Variants in FBXW8 observed in about 807,000 individuals in gnomAD.
FBXW8 encodes F-box and WD repeat domain containing 8.
Under a neutral mutation model 65.3 loss-of-function variants are expected in FBXW8, and 57 were observed. The observed-to-expected ratio is 0.87, with a 90% CI of 0.71 to 1.09. The LOEUF is 1.09. Ranked by LOEUF, FBXW8 falls within the 50% of genes least tolerant of loss-of-function variation. The pLI is 0.00. For synonymous variants in FBXW8, 308 were observed against 330.2 expected, an observed-to-expected ratio of 0.93 and a Z score of 0.73; for missense variants, 777 against 814.8, an observed-to-expected ratio of 0.95 and a Z score of 0.57.
At chr12:116,943,385 G>A (rs551254118) in intron 2 of FBXW8, among the ~76,000 whole-genome samples, 63 of 152,258 alleles carry the variant, frequency 4.1e-4, no homozygotes, top group African/African-American at 1.4e-3. Flanking sequence ...TTTTGTTGTT[G>A]CTGCTGTTTG....
intron 3 of FBXW8, among the ~76,000 whole-genome samples, chr12:116,947,750 A>AG (rs1555219000): frequency 5.1e-5 from 7 of 137,660 alleles, no homozygotes; most frequent in African/African-American, 7.8e-5. Flanking sequence ...AAAAAAAAAA[A>AG]AAAAGAAAAG....
chr12:117,024,548 A>G (rs1368678768), intron 9 of FBXW8, among the ~76,000 whole-genome samples: 2 of 152,260 alleles, frequency 1.3e-5, no homozygotes, highest in Non-Finnish European at 2.9e-5. Context: ...TGTCTCTGAC[A>G]TCATTCAGAT....
chr12:116,930,030 T>C (rs1379975921), intron 2 of FBXW8, among the ~76,000 whole-genome samples: 7 of 152,210 alleles, frequency 4.6e-5, no homozygotes, highest in South Asian at 2.1e-4. Flanking sequence ...TCTTTTTTTT[T>C]CTAAAGGCTG....
At chr12:116,965,767 A>C (rs767265136) in intron 5 of FBXW8, among the ~76,000 whole-genome samples, 8 of 151,978 alleles carry the variant, frequency 5.3e-5, no homozygotes, top group Non-Finnish European at 1.0e-4. Context: ...ATACATACCT[A>C]TATATATTTG....
Position 117,010,843 on chromosome 12 carries a change from C to T in FBXW8, c.1367+393C>T, listed in dbSNP as rs560767345. Among the ~76,000 whole-genome samples the T allele has an allele frequency of 1.2e-4, 19 of 152,340 alleles. No homozygotes were observed. In the East Asian group the frequency reaches 3.7e-3, roughly 29 times the overall value. On this transcript the variant is annotated intron_variant, in intron 8 of 10. Transcript: ENST00000652555. The stretch of plus-strand genomic sequence containing the variant: ...ATGTTCAGCAAAATAGGGTTTCCTG[C>T]CAAACGATGTCAAGAGTGTATTTCA...
At chr12:116,918,640 G>A (rs1880627795) in intron 1 of FBXW8, among the ~76,000 whole-genome samples, 2 of 152,170 alleles carry the variant, frequency 1.3e-5, no homozygotes, top group South Asian at 4.1e-4. Flanking sequence ...TCCCATTGCT[G>A]CAAACTGGGT....
chr12:117,006,964 G>C (rs1330230091), intron 7 of FBXW8, among the ~76,000 whole-genome samples: 1 of 152,208 alleles, frequency 6.6e-6, no homozygotes, highest in Non-Finnish European at 1.5e-5. Flanking sequence ...AAAAGGAGTT[G>C]TGAAATAATC....
chr12:116,999,904 C>T (rs1953470654), intron 7 of FBXW8, among the ~76,000 whole-genome samples: 1 of 152,214 alleles, frequency 6.6e-6, no homozygotes, highest in Non-Finnish European at 1.5e-5. Flanking sequence ...ACAGAAGCAG[C>T]CTTACAAACT....
At chr12:116,945,622 C>T in intron 3 of FBXW8, 94 bp downstream of exon 3, 1 of 1,291,328 alleles carries the variant, frequency 7.7e-7, no homozygotes, top group East Asian at 2.4e-5. Context: ...TAATTGCCAA[C>T]AGCGAAGGGA....
At chr12:116,983,375 C>T (rs11609917) in intron 5 of FBXW8, among the ~76,000 whole-genome samples, 16,695 of 152,178 alleles carry the variant, frequency 0.11, 1,119 homozygotes, top group Middle Eastern at 0.22. Context: ...CCGCTTATCC[C>T]CCAAGTTTAT....
At chr12:117,005,685 A>G (rs565049077) in intron 7 of FBXW8, among the ~76,000 whole-genome samples, 2 of 152,356 alleles carry the variant, frequency 1.3e-5, no homozygotes, top group South Asian at 4.1e-4. Flanking sequence ...AATGGGCACT[A>G]TGTGCCAAGG....
chr12:116,961,900 G>A lies in FBXW8; in HGVS notation c.678-2797G>A, dbSNP rs542375107. On this transcript the variant is annotated intron_variant, in intron 4 of 10. Transcript: ENST00000652555. The surrounding 1 kb of genome is among the most constrained non-coding windows in gnomAD (Gnocchi z 4.4). The stretch of plus-strand genomic sequence containing the variant: ...GGGAGGATTGAATGGAAGAAGCTCC[G>A]AATCAGGGAGCCTGTAGTAGTCGGG... Among the ~76,000 whole-genome samples the A allele has an allele frequency of 2.6e-5, 4 of 152,286 alleles. No individual in the cohort carries two copies. The highest frequency in any genetic ancestry group is 7.2e-5 in the African/African-American group (3 of 41,572).
intron 5 of FBXW8, among the ~76,000 whole-genome samples, chr12:116,975,251 G>C (rs924721185): frequency 2.4e-4 from 37 of 152,190 alleles, no homozygotes; most frequent in African/African-American, 8.2e-4. Context: ...CGTTTGGGCT[G>C]TTATAACAAA....
At chr12:116,929,019 T>C (rs1881561734) in intron 2 of FBXW8, among the ~76,000 whole-genome samples, 1 of 152,246 alleles carries the variant, frequency 6.6e-6, no homozygotes, top group East Asian at 1.9e-4. Flanking sequence ...CTGGCCAGCC[T>C]GGTCTCAAAC....
At chr12:116,911,722 G>A (rs1011431194) in intron 1 of FBXW8, among the ~76,000 whole-genome samples, 1 of 152,112 alleles carries the variant, frequency 6.6e-6, no homozygotes, top group African/African-American at 2.4e-5. Context: ...AGTAAGTGTG[G>A]GGTTGAGAAA....
At position 116,911,062 on chromosome 12, in the gene FBXW8, T is replaced by C. The variant is rs772032889; in HGVS notation, c.25T>C (p.Phe9Leu). ...TATGGACGACTACAGCCTGGATGAG[T>C]TCCGTCGGCGCTGGCAGGAGGAGCT... MDDYSLDE[F>L]RRRWQEELAQ... Residue 9 changes from phenylalanine to leucine, a missense_variant, in exon 1 of 11, where the codon TTC (phenylalanine) becomes CTC (leucine). Coordinates refer to ENST00000652555, the MANE Select transcript of FBXW8 (RefSeq NM_153348.3). 8 of 1,454,310 alleles carry C rather than the reference T, an allele frequency of 5.5e-6. No individual in the cohort carries two copies. The African/African-American group carries it at 1.0e-4, about 19-fold the overall frequency. The allele number at this position is 1,454,310 out of a possible 1,614,324, so 90.1% of individuals were successfully genotyped here. A position where few individuals can be genotyped will look rare whatever the true frequency, so the allele number is the denominator to read the frequency against.
At chr12:116,925,181 AG>A (rs1274959980) in intron 1 of FBXW8, among the ~76,000 whole-genome samples, 1 of 151,564 alleles carries the variant, frequency 6.6e-6, no homozygotes, top group Non-Finnish European at 1.5e-5. Flanking sequence ...GAACTGAGCA[AG>A]GGGGCCAGGC....
At chr12:116,930,023 T>G (rs977738104) in intron 2 of FBXW8, among the ~76,000 whole-genome samples, 4 of 152,164 alleles carry the variant, frequency 2.6e-5, no homozygotes, top group Admixed American at 6.5e-5. Flanking sequence ...ATTTCCTTCT[T>G]TTTTTTTCTA....
chr12:116,916,041 T>C (rs2137285262), intron 1 of FBXW8, among the ~76,000 whole-genome samples: 1 of 152,304 alleles, frequency 6.6e-6, no homozygotes, highest in East Asian at 1.9e-4. Flanking sequence ...TGTCTTTGAG[T>C]TCTCGTGTAT....
Sources: allele counts gnomAD v4.1 joint callset (sites outside exome capture counted in the v4.1 genomes callset), GRCh38; gene constraint gnomAD v4.1.1; non-coding constraint Gnocchi (gnomAD v3.1); transcripts MANE v1.5; gene names NCBI Gene and HGNC (gene_info 2026-07-23, HGNC 2026-07-21).